Variants in TTC34 observed in about 807,000 individuals in gnomAD.
TTC34 encodes tetratricopeptide repeat protein 34.
In TTC34, 44 loss-of-function variants were observed where a neutral mutation model predicts 40.7. The observed-to-expected ratio is 1.08, with a 90% CI of 0.85 to 1.39. The LOEUF is 1.39. Ranked by LOEUF, TTC34 falls within the 40% of genes most tolerant of loss-of-function variation. TTC34 has a pLI of 0.00. For synonymous variants in TTC34, 422 were observed against 398.6 expected, an observed-to-expected ratio of 1.06 and a Z score of -0.70; for missense variants, 884 against 838.0, an observed-to-expected ratio of 1.05 and a Z score of -0.68.
chr1:2,750,576 C>A (rs1182481005), intron 6 of TTC34, among the ~76,000 whole-genome samples: 15 of 78,572 alleles, frequency 1.9e-4, no homozygotes, highest in Admixed American at 3.3e-4. Flanking sequence ...CCCAGGTGAG[C>A]ATCTGACATC....
chr1:2,760,995 C>T lies in TTC34; in HGVS notation c.2226+22614G>A, dbSNP rs1250142241. The stretch of plus-strand genomic sequence containing the variant: ...GTGAGCATCTGATAGCCTGGAGCAG[C>T]GCTCACACCCAGAGGTGAGCATATG... On this transcript the variant is annotated intron_variant, in intron 6 of 8. Transcript: ENST00000401095. Among the ~76,000 whole-genome samples, 2 of 71,786 alleles carry T rather than the reference C, an allele frequency of 2.8e-5. 1 individual carries two copies. The highest frequency in any genetic ancestry group is 4.8e-5 in the Non-Finnish European group (2 of 41,976). The allele number at this position is 71,786 out of a possible 152,430, so 47.1% of individuals were successfully genotyped here.
intron 6 of TTC34, among the ~76,000 whole-genome samples, chr1:2,687,748 C>T (rs1420250008): frequency 1.1e-4 from 16 of 141,694 alleles, no homozygotes; most frequent in African/African-American, 4.1e-4. Context: ...CATCCGACAG[C>T]CTGGAGCAGA....
intron 6 of TTC34, among the ~76,000 whole-genome samples, chr1:2,698,637 A>G (rs1640979367): frequency 2.4e-5 from 1 of 40,832 alleles, no homozygotes. Flanking sequence ...AGCCTGGAAC[A>G]GCACCCACAC....
chr1:2,787,385 CTG>C, intron 4 of TTC34, 94 bp downstream of exon 4: 1 of 1,180,618 alleles, frequency 8.5e-7, no homozygotes, highest in Non-Finnish European at 1.1e-6. Flanking sequence ...AAAGCCCAGA[CTG>C]TGGGGTCCAG....
chr1:2,788,860 G>T (rs1278583982), intron 3 of TTC34, among the ~76,000 whole-genome samples: 2 of 152,196 alleles, frequency 1.3e-5, no homozygotes, highest in Non-Finnish European at 2.9e-5. Flanking sequence ...GGGAGGCCCG[G>T]GTGGGAGGAT....
At chr1:2,786,753 C>T (rs141455460) in intron 4 of TTC34, among the ~76,000 whole-genome samples, 2,091 of 152,334 alleles carry the variant, frequency 0.014, 22 homozygotes, top group Admixed American at 0.024. Flanking sequence ...GAGACCTCCA[C>T]CCCACAACGT....
Position 2,695,081 on chromosome 1 carries a change from C to G in TTC34, c.2227-49518G>C, listed in dbSNP as rs566955339. ...CTGAAACAGCACACACACCCCCAGGCGAGCATCTGACAACCTGGAACAGCA... is the reference window on the plus strand; with the variant it reads ...CTGAAACAGCACACACACCCCCAGGGGAGCATCTGACAACCTGGAACAGCA... On this transcript the variant is annotated intron_variant, in intron 6 of 8. Transcript: ENST00000401095. Among the ~76,000 whole-genome samples the G allele has an allele frequency of 1.6e-3, 78 of 49,972 alleles. 4 individuals are homozygous for G. The highest frequency in any genetic ancestry group is 4.2e-3 in the African/African-American group (73 of 17,382). The allele number at this position is 49,972 out of a possible 152,430, so 32.8% of individuals were successfully genotyped here.
At chr1:2,776,025 C>T (rs1214438418) in intron 6 of TTC34, 4 of 123,738 alleles carry the variant, frequency 3.2e-5, no homozygotes, top group South Asian at 2.9e-4. Context: ...TATGACAGCC[C>T]GGAACAACAC....
intron 6 of TTC34, among the ~76,000 whole-genome samples, chr1:2,753,626 G>A (rs1162252681): frequency 1.9e-5 from 2 of 104,138 alleles, no homozygotes; most frequent in Admixed American, 9.4e-5. Flanking sequence ...ACCCACAGGT[G>A]AGCTTCTGAC....
chr1:2,790,270 A>C (rs1377482525), exon 3 of TTC34: 3 of 398,300 alleles, frequency 7.5e-6, no homozygotes, highest in Non-Finnish European at 1.3e-5. Flanking sequence ...GCAGGTTCCA[A>C]AACACGTCCT....
intron 6 of TTC34, among the ~76,000 whole-genome samples, chr1:2,683,909 C>G (rs374697143): frequency 1.3e-5 from 2 of 149,400 alleles, no homozygotes; most frequent in Non-Finnish European, 3.0e-5. Flanking sequence ...GGTCGGCACC[C>G]ACACCTCCAG....
chr1:2,782,462 T>C (rs1643499462), intron 6 of TTC34, among the ~76,000 whole-genome samples: 1 of 152,198 alleles, frequency 6.6e-6, no homozygotes, highest in Admixed American at 6.5e-5. Flanking sequence ...TGATTTTCTC[T>C]ATTTCTTCTC....
chr1:2,653,658 G>C (rs1570756806), intron 6 of TTC34, among the ~76,000 whole-genome samples: 1 of 151,544 alleles, frequency 6.6e-6, no homozygotes, highest in African/African-American at 2.4e-5. Flanking sequence ...ACCCCCAGGC[G>C]AGCATCTGAC....
Position 2,750,726 on chromosome 1 carries a change from C to G in TTC34, c.2226+32883G>C, listed in dbSNP as rs1490111153. ...CCGACAGCCTGGAGCAGCACCCACA[C>G]CCCCAGGTGAGCATCTGATGGTCTG... On this transcript the variant is annotated intron_variant, in intron 6 of 8. Coordinates refer to ENST00000401095, the Ensembl canonical transcript of TTC34. Among the ~76,000 whole-genome samples the G allele has an allele frequency of 6.6e-3, 51 of 7,690 alleles. 4 individuals are homozygous for G. Among genetic ancestry groups the G allele is most frequent in the African/African-American group, 0.036 (49 of 1,380 alleles). 5.0% of individuals were successfully genotyped at this position (7,690 alleles called of 152,430 possible).
intron 4 of TTC34, among the ~76,000 whole-genome samples, chr1:2,786,620 C>A (rs1486424065): frequency 6.6e-6 from 1 of 152,202 alleles, no homozygotes; most frequent in Non-Finnish European, 1.5e-5. Context: ...GAGCAAGGTC[C>A]AAATGAGAAG....
intron 6 of TTC34, among the ~76,000 whole-genome samples, chr1:2,773,335 C>A: frequency 9.8e-6 from 1 of 102,432 alleles, no homozygotes; most frequent in African/African-American, 3.3e-5. Context: ...GCAGCGTCCA[C>A]ACCCCCAGGT....
At chr1:2,666,130 A>C (rs879992243) in intron 6 of TTC34, among the ~76,000 whole-genome samples, 6 of 119,498 alleles carry the variant, frequency 5.0e-5, no homozygotes, top group East Asian at 2.3e-4. Flanking sequence ...GCACGCGCAA[A>C]CCCAGGTGAG....
intron 2 of TTC34, among the ~76,000 whole-genome samples, chr1:2,795,382 A>T (rs1643701613): frequency 6.6e-6 from 1 of 152,216 alleles, no homozygotes; most frequent in African/African-American, 2.4e-5. Context: ...GCTTTACCGG[A>T]CAAGAGACTC....
chr1:2,790,788 G>A (rs1175504207), intron 2 of TTC34, among the ~76,000 whole-genome samples: 2 of 152,240 alleles, frequency 1.3e-5, no homozygotes, highest in Non-Finnish European at 2.9e-5. Flanking sequence ...CCAACTCTAT[G>A]ACCTTTGCAG....
Sources: allele counts gnomAD v4.1 joint callset (sites outside exome capture counted in the v4.1 genomes callset), GRCh38; gene constraint gnomAD v4.1.1; transcripts MANE v1.5; gene names NCBI Gene and HGNC (gene_info 2026-07-23, HGNC 2026-07-21).